Variants in OTOF observed in about 807,000 individuals in gnomAD.
The protein encoded by OTOF is otoferlin.
A neutral mutation model predicts 236.8 loss-of-function variants in OTOF; 218 were observed. The observed-to-expected ratio is 0.92, with a 90% CI of 0.82 to 1.03. The LOEUF (loss-of-function observed/expected upper bound fraction) is 1.03. OTOF is among the 50% of genes least tolerant of loss of function. The probability of loss-of-function intolerance (pLI) is 0.00; values close to 1 mark genes in which losing one functional copy is unlikely to be tolerated. For missense variants in OTOF, 2,590 were observed against 2,694.4 expected, an observed-to-expected ratio of 0.96 and a Z score of 0.86; for synonymous variants, 1,041 against 1,072.5, an observed-to-expected ratio of 0.97 and a Z score of 0.57.
rs965017813 is a variant in OTOF, at chr2:26,461,860, T to G, written c.5369A>C (p.Asn1790Thr). The change falls in exon 43 of 47, where the codon AAC becomes ACC. Residue 1790 changes from asparagine to threonine, a missense_variant. By Grantham distance (65) the Asn-to-Thr change is moderately conservative (BLOSUM62 0). Around this residue, in one of 2 missense-constraint regions of OTOF, gnomAD observed 1,211 missense variants for 1,352.8 expected, o/e 0.90. Coordinates refer to ENST00000272371, the MANE Select transcript of OTOF (RefSeq NM_194248.3). This position sits in a 1 kb window ranked among gnomAD's most constrained non-coding sequence, Gnocchi z 6.2. ...GTCGAAGGGGAACAGGTAGCGCCAG[T>G]TGAAGTTGCCCTCGCCAGTGAGGGA... ...YHSLTGEGNF[N>T]WRYLFPFDYL... The G allele has an allele frequency of 2.5e-6, 4 of 1,614,146 alleles. No homozygotes were observed. In the African/African-American group the frequency reaches 4.0e-5, roughly 16 times the overall value.
chr2:26,480,194 A>T lies in OTOF; in HGVS notation c.1912+9T>A, dbSNP rs752581971. The stretch of plus-strand genomic sequence containing the variant: ...CTAGGCCCGAAGCCCCCGTGGGCCC[A>T]GCACTCACCTATGGTGACCTCAAAG... On this transcript the variant is annotated intron_variant, in intron 16 of 46. Transcript: ENST00000272371. 3.2e-6 allele frequency: 5 copies of T among 1,567,818 alleles called. No homozygotes were observed. The highest frequency in any genetic ancestry group is 2.6e-6 in the Non-Finnish European group (3 of 1,138,592).
Position 26,467,098 on chromosome 2 carries a change from C to G in OTOF, c.4362+1G>C, listed in dbSNP as rs1274464930. ...GGCTGGGCCCGTGCTCCTGGCCTGA[C>G]CTTGAAGCGTCCCACAATGCGCTCC... is the stretch of plus-strand genomic sequence containing the variant. On this transcript the variant is annotated splice_donor_variant, in intron 35 of 46. Transcript: ENST00000272371. LOFTEE classifies it high-confidence loss of function. The G allele has an allele frequency of 6.2e-7, 1 of 1,613,018 alleles. No homozygotes were observed. The highest frequency in any genetic ancestry group is 1.1e-5 in the South Asian group (1 of 91,066).
intron 1 of OTOF, among the ~76,000 whole-genome samples, chr2:26,544,341 C>T (rs962996156): frequency 7.2e-5 from 11 of 152,154 alleles, no homozygotes; most frequent in African/African-American, 2.2e-4. Context: ...CCTTTCCAGT[C>T]GATTTCTAGT....
At position 26,476,291 on chromosome 2, in the gene OTOF, C is replaced by T. The variant is rs4997760; in HGVS notation, c.2703G>A (p.Ser901=). 0.023 allele frequency: 37,278 copies of T among 1,602,782 alleles called. 979 individuals carry two copies. Among genetic ancestry groups the T allele is most frequent in the East Asian group, 0.13 (6,033 of 44,754 alleles). Residue 901 remains serine, a synonymous_variant, in exon 23 of 47, where the codon TCG becomes TCA. Transcript: ENST00000272371. ...CCTTGGCCTGCACTGTCCAGCCTGC[C>T]GAGCCGAAGCCCCGCTTCCCTGGCA... ...LKLPGKRGFG[S]AGWTVQAKVE... is the part of the protein sequence containing the mutation.
At chr2:26,491,584 T>C (rs941632522) in intron 9 of OTOF, among the ~76,000 whole-genome samples, 2 of 152,054 alleles carry the variant, frequency 1.3e-5, no homozygotes, top group Non-Finnish European at 2.9e-5. Flanking sequence ...CTTTGAGCTG[T>C]AGAAAGAGAA....
intron 2 of OTOF, among the ~76,000 whole-genome samples, chr2:26,533,465 T>C (rs887342951): frequency 6.6e-6 from 1 of 152,188 alleles, no homozygotes; most frequent in Non-Finnish European, 1.5e-5. Flanking sequence ...TGTCTCTGTC[T>C]CTTTCCCCAG....
intron 17 of OTOF, 36 bp downstream of exon 17, chr2:26,479,437 G>A (rs754615565): frequency 3.1e-6 from 5 of 1,605,936 alleles, no homozygotes; most frequent in African/African-American, 2.7e-5. Flanking sequence ...GGAGGTGGGA[G>A]GGCCAGGCCA....
At position 26,473,636 on chromosome 2, in the gene OTOF, C is replaced by G; in HGVS notation, c.3409-69G>C. 6.7e-7 allele frequency: 1 copy of G among 1,490,100 alleles called. No individual in the cohort carries two copies. Among genetic ancestry groups the G allele is most frequent in the Non-Finnish European group, 9.0e-7 (1 of 1,107,022 alleles). 92.3% of individuals were successfully genotyped at this position (1,490,100 alleles called of 1,614,324 possible). ...GTCAAGGGAGCCAGCCATGGGGGTGCTGGACCATCCAATAGGGAACCGGGC... is the reference window on the plus strand; with the variant it reads ...GTCAAGGGAGCCAGCCATGGGGGTGGTGGACCATCCAATAGGGAACCGGGC... On this transcript the variant is annotated intron_variant, in intron 27 of 46. Transcript: ENST00000272371. This position sits in a 1 kb window ranked among gnomAD's most constrained non-coding sequence, Gnocchi z 7.2.
intron 4 of OTOF, among the ~76,000 whole-genome samples, chr2:26,517,173 T>C (rs115208690): frequency 2.1e-3 from 320 of 152,276 alleles, no homozygotes; most frequent in Non-Finnish European, 3.4e-3. Context: ...AGTAGAGCAC[T>C]CAACCGGGCT....
intron 2 of OTOF, among the ~76,000 whole-genome samples, chr2:26,536,712 G>A (rs72815251): frequency 0.19 from 28,822 of 152,092 alleles, 2,896 homozygotes; most frequent in South Asian, 0.27. Flanking sequence ...AGAGCCAAGC[G>A]GGAGAGCCAA....
At chr2:26,483,437 C>G (rs777705653) in intron 13 of OTOF, 25 bp downstream of exon 13, 2 of 1,610,430 alleles carry the variant, frequency 1.2e-6, no homozygotes, top group Non-Finnish European at 8.5e-7. Context: ...CCAGCCCCAG[C>G]CTCCTGTACC....
At chr2:26,501,963 T>G (rs550845068) in intron 7 of OTOF, among the ~76,000 whole-genome samples, 155 bp from the exon 8 acceptor site, 4 of 152,148 alleles carry the variant, frequency 2.6e-5, no homozygotes, top group Non-Finnish European at 5.9e-5. Flanking sequence ...ATTAGTTGTC[T>G]TCAGAGGCCT....
chr2:26,467,551 G>A (rs761177293), intron 33 of OTOF, 50 bp from the exon 34 acceptor site: 2 of 1,595,112 alleles, frequency 1.3e-6, no homozygotes, highest in South Asian at 1.1e-5. Flanking sequence ...AGAGCAGGAA[G>A]GCCTGGATTC....
chr2:26,480,652 G>A, intron 15 of OTOF, 134 bp downstream of exon 15: 1 of 745,678 alleles, frequency 1.3e-6, no homozygotes, highest in Non-Finnish European at 2.3e-6. Context: ...GCTTCCTGGG[G>A]AGAAGCCTTA....
chr2:26,521,002 A>G (rs2148105185), intron 3 of OTOF, among the ~76,000 whole-genome samples: 1 of 152,196 alleles, frequency 6.6e-6, no homozygotes, highest in Non-Finnish European at 1.5e-5. Flanking sequence ...CTGGTTTCTG[A>G]GATATAAATA....
Position 26,516,510 on chromosome 2 carries a change from A to G in OTOF, c.417T>C (p.Leu139=), listed in dbSNP as rs1488787367. 27 of 1,613,474 alleles carry G rather than the reference A, an allele frequency of 1.7e-5. No individual in the cohort carries two copies. In the Admixed American group the frequency reaches 4.5e-4, roughly 27 times the overall value. ...CTTGGCTGTCCTTCTCTTCCTCTTG[A>G]AGAGACTCATCTCCCAGGAAGTCCC... ...DDGDFLGDES[L]QEEEKDSQET... Residue 139 remains leucine, a synonymous_variant, in exon 5 of 47, where the codon CTT becomes CTC. Transcript: ENST00000272371.
intron 2 of OTOF, among the ~76,000 whole-genome samples, chr2:26,532,733 G>A (rs1366249381): frequency 6.6e-6 from 1 of 152,126 alleles, no homozygotes; most frequent in African/African-American, 2.4e-5. Context: ...CCTGGTCTAG[G>A]CTTAGCCCTG....
chr2:26,464,057 G>T lies in OTOF; in HGVS notation c.5010C>A (p.His1670Gln). 1 of 1,613,740 alleles carries T rather than the reference G, an allele frequency of 6.2e-7. No homozygotes were observed. The highest frequency in any genetic ancestry group is 8.5e-7 in the Non-Finnish European group (1 of 1,180,020). ...DEHVALLALR[H>Q]WEDIPRAGCR... ...AGCCTGCGCGGGGGATGTCCTCCCA[G>T]TGCCTCAGGGCCAACAGCGCCACAT... Residue 1670 changes from histidine (H) to glutamine (Q), a missense_variant, in exon 40 of 47, where the codon CAC (histidine) becomes CAA (glutamine). Coordinates refer to ENST00000272371, the MANE Select transcript of OTOF (RefSeq NM_194248.3).
chr2:26,539,507 G>A (rs568886725), intron 1 of OTOF, among the ~76,000 whole-genome samples: 186 of 152,258 alleles, frequency 1.2e-3, no homozygotes, highest in African/African-American at 4.1e-3. Flanking sequence ...AGGCCGAGGC[G>A]GGCGGATCAC....
Sources: gnomAD v4.1 joint callset for allele counts (sites outside exome capture counted in the v4.1 genomes callset) on GRCh38, gnomAD v4.1.1 for gene constraint, gnomAD v4.1.1 regional missense constraint, Gnocchi (gnomAD v3.1) non-coding constraint, MANE v1.5 for transcripts, NCBI Gene and HGNC (gene_info 2026-07-23, HGNC 2026-07-21) for gene names.